Variants in BCAS3 observed in about 807,000 individuals in gnomAD.
BCAS3 encodes the protein BCAS3 microtubule associated cell migration factor.
In BCAS3, 53 loss-of-function variants were observed where a neutral mutation model predicts 116.1. The observed-to-expected ratio is 0.46, with a 90% CI of 0.37 to 0.57. BCAS3 has a LOEUF of 0.57. BCAS3 is among the 20% of genes least tolerant of loss of function. BCAS3 has a pLI of 0.00. For synonymous variants in BCAS3, 391 were observed against 408.2 expected (o/e 0.96, Z 0.51); for missense variants, 917 against 1,165.4 (o/e 0.79, Z 3.10).
rs187626418 is a variant in BCAS3 at position 61,156,611 on chromosome 17, T to C, written c.2425+72047T>C. ...TTTATTTTTATGTCGAGTTTCATCATTTGGTAAGAAATTTCAGAGGGATTT... is the reference window on the plus strand; with the variant it reads ...TTTATTTTTATGTCGAGTTTCATCACTTGGTAAGAAATTTCAGAGGGATTT... On this transcript the variant is annotated intron_variant, in intron 22 of 23. Coordinates refer to ENST00000407086, the MANE Select transcript of BCAS3 (RefSeq NM_017679.5). The surrounding 1 kb of genome is among the most constrained non-coding windows in gnomAD (Gnocchi z 4.7). 6.6e-6 allele frequency among the ~76,000 whole-genome samples: 1 copy of C among 152,290 alleles called. No individual in the cohort carries two copies. The highest frequency in any genetic ancestry group is 1.5e-5 in the Non-Finnish European group (1 of 68,012).
At chr17:61,045,950 TATAA>T (rs2068126543) in intron 19 of BCAS3, among the ~76,000 whole-genome samples, 1 of 13,948 alleles carries the variant, frequency 7.2e-5, no homozygotes, top group South Asian at 2.8e-3. Flanking sequence ...ATATTATATA[TATAA>T]ATATATATAT....
chr17:61,070,207 G>A (rs766773418), intron 19 of BCAS3: 22 of 1,561,172 alleles, frequency 1.4e-5, no homozygotes, highest in Non-Finnish European at 2.6e-6. Flanking sequence ...TAAACAGGCT[G>A]TGAAGAAGCT....
intron 22 of BCAS3, among the ~76,000 whole-genome samples, chr17:61,133,887 A>G (rs1281915297): frequency 6.7e-6 from 1 of 150,074 alleles, no homozygotes; most frequent in Non-Finnish European, 1.5e-5. Context: ...AAAAAAGGAA[A>G]CCCAAAAAAC....
At chr17:61,046,852 ATAG>A (rs1393069594) in intron 19 of BCAS3, among the ~76,000 whole-genome samples, 1 of 151,980 alleles carries the variant, frequency 6.6e-6, no homozygotes, top group Non-Finnish European at 1.5e-5. Flanking sequence ...AATTATAATA[ATAG>A]TAGACAAAGA....
chr17:60,881,216 C>T (rs551394165), intron 9 of BCAS3, among the ~76,000 whole-genome samples: 15 of 152,178 alleles, frequency 9.9e-5, no homozygotes, highest in East Asian at 1.9e-4. Flanking sequence ...CCTTGTGATC[C>T]GCCCACCTCG....
Position 60,680,149 on chromosome 17 carries a change from AAAG to A in BCAS3, c.83+612_83+614del, listed in dbSNP as rs1458747819. On this transcript the variant is annotated intron_variant, in intron 2 of 23. Coordinates refer to ENST00000407086, the MANE Select transcript of BCAS3 (RefSeq NM_017679.5). ...ACTCTGTCTCCAAAAAAAAAAAAAA[AAAG>A]AAAGAAAATGAAATAGAATATAATA... 4.6e-3 allele frequency among the ~76,000 whole-genome samples: 689 copies of A among 150,952 alleles called. 1 individual carries two copies. Among genetic ancestry groups the A allele is most frequent in the African/African-American group, 0.016 (662 of 41,066 alleles).
intron 13 of BCAS3, among the ~76,000 whole-genome samples, chr17:60,944,603 G>A (rs1451486304): frequency 6.6e-6 from 1 of 151,916 alleles, no homozygotes; most frequent in Non-Finnish European, 1.5e-5. Flanking sequence ...GTATTTCTCA[G>A]GGACACAGAT....
At chr17:61,022,672 A>T (rs750876151) in intron 16 of BCAS3, among the ~76,000 whole-genome samples, 1 of 152,088 alleles carries the variant, frequency 6.6e-6, no homozygotes, top group Non-Finnish European at 1.5e-5. Flanking sequence ...TTTCCTAATG[A>T]AAAGTCACCC....
At chr17:61,322,524 C>T (rs1602671522) in intron 22 of BCAS3, among the ~76,000 whole-genome samples, 1 of 152,208 alleles carries the variant, frequency 6.6e-6, no homozygotes, top group Non-Finnish European at 1.5e-5. Flanking sequence ...GACATTTCTT[C>T]GCCTCTGAGG....
chr17:60,902,025 A>C (rs2057929708), intron 10 of BCAS3, among the ~76,000 whole-genome samples: 1 of 152,212 alleles, frequency 6.6e-6, no homozygotes, highest in Non-Finnish European at 1.5e-5. Context: ...TGCTTTATTT[A>C]TGTCAGTCAC....
At chr17:60,793,253 T>C (rs2046931051) in intron 6 of BCAS3, among the ~76,000 whole-genome samples, 1 of 152,084 alleles carries the variant, frequency 6.6e-6, no homozygotes, top group African/African-American at 2.4e-5. Context: ...CCTGCCACCA[T>C]GCCCTGCTAA....
At chr17:61,170,572 G>A (rs144966548) in intron 22 of BCAS3, among the ~76,000 whole-genome samples, 43 of 152,266 alleles carry the variant, frequency 2.8e-4, no homozygotes, top group African/African-American at 8.9e-4. Context: ...GATTACAGGC[G>A]TGAGCCACCG....
intron 7 of BCAS3, among the ~76,000 whole-genome samples, chr17:60,850,355 T>G (rs1256216204): frequency 7.3e-5 from 10 of 137,902 alleles, no homozygotes; most frequent in South Asian, 4.8e-4. Flanking sequence ...GTTTTTTTTT[T>G]TTTTTTTTTT....
Position 61,194,124 on chromosome 17 carries a change from G to A in BCAS3, c.2425+109560G>A, listed in dbSNP as rs184226962. On this transcript the variant is annotated intron_variant, in intron 22 of 23. Coordinates refer to ENST00000407086, the MANE Select transcript of BCAS3 (RefSeq NM_017679.5). ...AGAGCGAGACCCTGTCTCAGAAAAA[G>A]AAAAGAAAGGAAAGGCAGGGAGGGG... 4.3e-3 allele frequency among the ~76,000 whole-genome samples: 657 copies of A among 152,034 alleles called. 1 individual carries two copies. Among genetic ancestry groups the A allele is most frequent in the South Asian group, 8.8e-3 (42 of 4,796 alleles).
At position 61,203,465 on chromosome 17, in the gene BCAS3, A is replaced by G. The variant is rs1209408930; in HGVS notation, c.2425+118901A>G. On this transcript the variant is annotated intron_variant, in intron 22 of 23. Transcript: ENST00000407086. The surrounding 1 kb of genome is among the most constrained non-coding windows in gnomAD (Gnocchi z 5.7). ...GCCACCGCGCCTGGGCTTCATTACA[A>G]TTTTTATTTTGTCTTCCTGATTTCT... Among the ~76,000 whole-genome samples, 1 of 152,032 alleles carries G rather than the reference A, an allele frequency of 6.6e-6. No individual in the cohort carries two copies. The highest frequency in any genetic ancestry group is 1.5e-5 in the Non-Finnish European group (1 of 67,982).
chr17:61,326,383 G>T lies in BCAS3; in HGVS notation c.2426-41944G>T, dbSNP rs1303704601. Among the ~76,000 whole-genome samples, 1 of 152,198 alleles carries T rather than the reference G, an allele frequency of 6.6e-6. No individual in the cohort carries two copies. The highest frequency in any genetic ancestry group is 1.9e-4 in the East Asian group (1 of 5,202). ...CGGGACAATAGCCTGGGGTGACTGT[G>T]GGGTCTTGCTGCTCATGTGGACTTT... On this transcript the variant is annotated intron_variant, in intron 22 of 23. Coordinates refer to ENST00000407086, the MANE Select transcript of BCAS3 (RefSeq NM_017679.5). This position sits in a 1 kb window ranked among gnomAD's most constrained non-coding sequence, Gnocchi z 5.3.
intron 9 of BCAS3, among the ~76,000 whole-genome samples, chr17:60,879,593 T>A (rs1325100299): frequency 6.6e-6 from 1 of 152,208 alleles, no homozygotes; most frequent in Non-Finnish European, 1.5e-5. Flanking sequence ...CCGATAGATG[T>A]CATTAGCAGT....
intron 14 of BCAS3, among the ~76,000 whole-genome samples, chr17:60,988,300 G>C (rs1317598625): frequency 9.1e-6 from 1 of 109,616 alleles, no homozygotes; most frequent in Non-Finnish European, 2.1e-5. Flanking sequence ...GTCTTGTCTG[G>C]TCTTGTCTTT....
At chr17:60,875,883 T>C (rs1262771228) in intron 9 of BCAS3, among the ~76,000 whole-genome samples, 1 of 152,046 alleles carries the variant, frequency 6.6e-6, no homozygotes, top group East Asian at 1.9e-4. Context: ...CACCCACGCA[T>C]TTATTATCTA....
Sources: gnomAD v4.1 joint callset for allele counts (sites outside exome capture counted in the v4.1 genomes callset) on GRCh38, gnomAD v4.1.1 for gene constraint, Gnocchi (gnomAD v3.1) non-coding constraint, MANE v1.5 for transcripts, NCBI Gene and HGNC (gene_info 2026-07-23, HGNC 2026-07-21) for gene names.